The following SYNE2 variants were observed in gnomAD, a reference collection of about 807,000 sequenced individuals.
The protein encoded by SYNE2 is spectrin repeat containing nuclear envelope protein 2.
Under a neutral mutation model 856.3 loss-of-function variants are expected in SYNE2, and 431 were observed. The ratio of observed to expected loss-of-function variants is 0.50; its 90% CI spans 0.47 to 0.55. SYNE2 has a LOEUF of 0.55. Ranked by LOEUF, SYNE2 falls within the 20% of genes least tolerant of loss-of-function variation. SYNE2 has a pLI of 0.00. For missense variants in SYNE2, 8,129 were observed against 8,023.2 expected (o/e 1.01, Z -0.50); for synonymous variants, 2,923 against 2,872.3 (o/e 1.02, Z -0.56).
intron 8 of SYNE2, among the ~76,000 whole-genome samples, chr14:63,955,965 A>G (rs1329535611): frequency 2.0e-5 from 3 of 152,246 alleles, no homozygotes; most frequent in African/African-American, 4.8e-5. Flanking sequence ...ATGTTCTTCA[A>G]TGACATGAAT....
At chr14:64,173,882 T>G in intron 94 of SYNE2, 1 of 662,002 alleles carries the variant, frequency 1.5e-6, no homozygotes, top group Non-Finnish European at 2.7e-6. Flanking sequence ...AAATACCTAG[T>G]TTCAATCTCT....
Position 63,929,643 on chromosome 14 carries a change from C to T in SYNE2, c.80-10971C>T, listed in dbSNP as rs191714004. ...AAAATTAGCTGGGCGTGGGGGTGGG[C>T]GCCTGTAATCCCAGCTACTCGGGAG... On this transcript the variant is annotated intron_variant, in intron 2 of 115. Transcript: ENST00000555002. Among the ~76,000 whole-genome samples the T allele has an allele frequency of 1.1e-3, 161 of 151,780 alleles. 1 individual carries two copies. In the East Asian group the frequency reaches 0.02, roughly 19 times the overall value.
At chr14:63,988,050 C>T (rs2096639100) in intron 19 of SYNE2, among the ~76,000 whole-genome samples, 1 of 152,110 alleles carries the variant, frequency 6.6e-6, no homozygotes, top group Admixed American at 6.6e-5. Flanking sequence ...GTGTTATGCT[C>T]AGCTCCTAGT....
intron 11 of SYNE2, among the ~76,000 whole-genome samples, chr14:63,970,362 A>C (rs191084412): frequency 2.2e-4 from 33 of 152,042 alleles, no homozygotes; most frequent in East Asian, 2.1e-3. Context: ...CAAAGTTTTA[A>C]ATTTTTTGTA....
intron 43 of SYNE2, among the ~76,000 whole-genome samples, chr14:64,028,490 T>C (rs770890595): frequency 6.6e-6 from 1 of 152,056 alleles, no homozygotes; most frequent in Admixed American, 6.6e-5. Flanking sequence ...CCTGGCCTTA[T>C]ATAATCCTCC....
intron 48 of SYNE2, 121 bp from the exon 49 acceptor site, chr14:64,055,823 G>C: frequency 1.8e-6 from 1 of 549,888 alleles, no homozygotes; most frequent in East Asian, 3.1e-5. Context: ...AAAACTTAAA[G>C]TATAATAATA....
chr14:64,001,613 G>C (rs1409117679), intron 28 of SYNE2, among the ~76,000 whole-genome samples: 1 of 152,172 alleles, frequency 6.6e-6, no homozygotes, highest in Non-Finnish European at 1.5e-5. Flanking sequence ...CAAAACAGCT[G>C]GAGTTGTCTG....
At chr14:63,977,299 G>A (rs1319039884) in intron 12 of SYNE2, among the ~76,000 whole-genome samples, 2 of 151,882 alleles carry the variant, frequency 1.3e-5, no homozygotes, top group East Asian at 1.9e-4. Context: ...TGCAAGCACC[G>A]CCTCCTGGGT....
At chr14:64,045,705 C>T (rs567437935) in intron 45 of SYNE2, among the ~76,000 whole-genome samples, 1 of 152,292 alleles carries the variant, frequency 6.6e-6, no homozygotes, top group African/African-American at 2.4e-5. Context: ...TAATTTGCAG[C>T]CTTTTAGAAG....
chr14:64,169,057 G>A, intron 93 of SYNE2, 86 bp downstream of exon 93: 1 of 1,042,862 alleles, frequency 9.6e-7, no homozygotes, highest in South Asian at 1.3e-5. Flanking sequence ...TGTGAACCTT[G>A]ACCATGTTGG....
intron 1 of SYNE2, among the ~76,000 whole-genome samples, chr14:63,808,390 G>A (rs903418041): frequency 2.0e-5 from 3 of 152,178 alleles, no homozygotes; most frequent in Admixed American, 6.5e-5. Context: ...TCCAGAGGCT[G>A]AGGCAAGAGA....
chr14:64,067,146 T>G (rs1021992731), intron 51 of SYNE2, among the ~76,000 whole-genome samples: 3 of 152,100 alleles, frequency 2.0e-5, no homozygotes, highest in African/African-American at 7.2e-5. Flanking sequence ...ATTATTCACA[T>G]AAGCATTTGA....
Position 64,119,427 on chromosome 14 carries a change from G to C in SYNE2, c.12841G>C (p.Ala4281Pro). The change falls in exon 67 of 116, where the codon GCT becomes CCT. Residue 4281 changes from alanine (A) to proline (P), a missense_variant and splice_region_variant. Ala to Pro is a conservative substitution (Grantham distance 27, BLOSUM62 -1). This residue lies in a region of SYNE2 where 5,410 missense variants were observed against 5,284.8 expected (regional missense o/e 1.02). Transcript: ENST00000555002. The part of the protein sequence containing the change: ...VLEQQLVGCQ[A>P]MLTEIEHKVA... ...ATAATTAAATGCTTTTATTTCCTAG[G>C]CTATGCTAACAGAGATTGAGCACAA... The C allele has an allele frequency of 1.1e-5, 18 of 1,614,086 alleles. No homozygotes were observed. The highest frequency in any genetic ancestry group is 1.5e-5 in the Non-Finnish European group (18 of 1,180,008).
chr14:63,941,714 T>C lies in SYNE2; in HGVS notation c.161T>C (p.Ile54Thr). The stretch of plus-strand genomic sequence containing the variant: ...CTGCAGCACACTTCTCCCTCAGTTA[T>C]ATCCGACCTATTCACAGACATTAAA... ...QLARHTSPSVISDLFTDIKKG... is the reference protein window; with the variant it reads ...QLARHTSPSVTSDLFTDIKKG... Residue 54 changes from isoleucine to threonine, a missense_variant, in exon 4 of 116, where the codon ATA (isoleucine) becomes ACA (threonine). Coordinates refer to ENST00000555002, the MANE Select transcript of SYNE2 (RefSeq NM_182914.3). 1.2e-6 allele frequency: 2 copies of C among 1,614,138 alleles called. No homozygotes were observed. Among genetic ancestry groups the C allele is most frequent in the South Asian group, 1.1e-5 (1 of 91,088 alleles).
upstream of SYNE2, among the ~76,000 whole-genome samples, chr14:63,852,778 A>T (rs1344020145): frequency 1.3e-5 from 2 of 152,104 alleles, no homozygotes; most frequent in Non-Finnish European, 2.9e-5. Context: ...GCGAACCTGC[A>T]TTGCGAGGTG....
chr14:64,067,761 A>G (rs1399238208), intron 51 of SYNE2, among the ~76,000 whole-genome samples: 1 of 152,220 alleles, frequency 6.6e-6, no homozygotes. Flanking sequence ...TCTTAAACAG[A>G]ATCTCTTTAC....
In SYNE2 at chr14:64,089,605, C is replaced by T. The variant is rs1311942649; in HGVS notation, c.11702C>T (p.Ser3901Leu). ...DVVAIESEVKSMEKRVSKIKT... is the reference protein window; with the variant it reads ...DVVAIESEVKLMEKRVSKIKT... ...GTTGCTATTGAATCTGAAGTAAAAT[C>T]AATGGAAAAAAGAGTTTCAAAAATC... Residue 3901 changes from serine to leucine, a missense_variant, in exon 59 of 116, where the codon TCA becomes TTA. Physicochemically the swap from Ser to Leu is moderately radical, Grantham distance 145. Around this residue, in one of 3 missense-constraint regions of SYNE2, gnomAD observed 5,410 missense variants for 5,284.8 expected, o/e 1.02. Coordinates refer to ENST00000555002, the MANE Select transcript of SYNE2 (RefSeq NM_182914.3). The T allele has an allele frequency of 1.2e-6, 2 of 1,609,960 alleles. No homozygotes were observed. Among genetic ancestry groups the T allele is most frequent in the Non-Finnish European group, 1.7e-6 (2 of 1,177,356 alleles).
intron 104 of SYNE2, 24 bp from the exon 105 acceptor site, chr14:64,212,787 C>T (rs1424827927): frequency 1.9e-6 from 3 of 1,612,174 alleles, no homozygotes; most frequent in Admixed American, 1.7e-5. Context: ...TCTTTGAAAT[C>T]CTTTCTTTCT....
At chr14:64,204,813 T>G (rs2098597357) in intron 100 of SYNE2, among the ~76,000 whole-genome samples, 1 of 152,162 alleles carries the variant, frequency 6.6e-6, no homozygotes, top group Non-Finnish European at 1.5e-5. Flanking sequence ...AAAACGCAAA[T>G]TTACTATATA....
Sources: gnomAD v4.1 joint callset for allele counts (sites outside exome capture counted in the v4.1 genomes callset) on GRCh38, gnomAD v4.1.1 for gene constraint, gnomAD v4.1.1 regional missense constraint, MANE v1.5 for transcripts, NCBI Gene and HGNC (gene_info 2026-07-23, HGNC 2026-07-21) for gene names.